Variants in LRP8 observed in about 807,000 individuals in gnomAD.
LRP8 encodes LDL receptor related protein 8.
A neutral mutation model predicts 111.6 loss-of-function variants in LRP8; 46 were observed. That is an observed-to-expected ratio of 0.41 (90% CI 0.33 to 0.53). The LOEUF (loss-of-function observed/expected upper bound fraction) is 0.53. LRP8 is among the 20% of genes least tolerant of loss of function. The pLI, the probability that LRP8 is intolerant of heterozygous loss-of-function variation, is 0.20. For synonymous variants in LRP8, 464 were observed against 511.2 expected, an observed-to-expected ratio of 0.91 and a Z score of 1.24; for missense variants, 959 against 1,297.4, an observed-to-expected ratio of 0.74 and a Z score of 4.01.
chr1:53,255,508 G>A (rs1324639436), intron 15 of LRP8, among the ~76,000 whole-genome samples: 1 of 152,198 alleles, frequency 6.6e-6, no homozygotes, highest in African/African-American at 2.4e-5. Context: ...GTAGGAAGCT[G>A]GGGGCTGTGC....
At chr1:53,296,605 G>A (rs762191504) in intron 2 of LRP8, among the ~76,000 whole-genome samples, 4 of 152,204 alleles carry the variant, frequency 2.6e-5, no homozygotes, top group East Asian at 3.9e-4. Flanking sequence ...GTGCCAGCCC[G>A]CCCCTGGCCT....
intron 3 of LRP8, among the ~76,000 whole-genome samples, chr1:53,286,173 G>A (rs375967708): frequency 2.0e-5 from 3 of 152,174 alleles, no homozygotes; most frequent in Non-Finnish European, 4.4e-5. Context: ...CAGAGGCTCC[G>A]GTGGTGAGAA....
At chr1:53,325,253 C>T (rs1403334563) in intron 2 of LRP8, among the ~76,000 whole-genome samples, 1 of 152,264 alleles carries the variant, frequency 6.6e-6, no homozygotes, top group Non-Finnish European at 1.5e-5. Flanking sequence ...TAAGTTCAGG[C>T]TCCTACTTAA....
intron 14 of LRP8, 146 bp from the exon 15 acceptor site, chr1:53,257,610 A>C (rs980463309): frequency 3.0e-5 from 19 of 637,620 alleles, no homozygotes; most frequent in African/African-American, 2.8e-4. Flanking sequence ...CCAGTGGGCT[A>C]TGATCTTTTC....
chr1:53,263,418 G>C (rs1646420644), intron 10 of LRP8, among the ~76,000 whole-genome samples: 1 of 152,190 alleles, frequency 6.6e-6, no homozygotes, highest in African/African-American at 2.4e-5. Flanking sequence ...AATAGCAGTA[G>C]GAAGCAGCTG....
chr1:53,264,531 C>T, intron 9 of LRP8, 135 bp from the exon 10 acceptor site: 1 of 716,008 alleles, frequency 1.4e-6, no homozygotes, highest in Non-Finnish European at 2.4e-6. Flanking sequence ...ATAATTTCCA[C>T]TCTACACATT....
intron 9 of LRP8, among the ~76,000 whole-genome samples, 188 bp from the exon 10 acceptor site, chr1:53,264,584 G>C (rs150285264): frequency 1.3e-5 from 2 of 152,180 alleles, no homozygotes; most frequent in East Asian, 3.9e-4. Context: ...CATGGGCCAC[G>C]GTCTCTGGCT....
rs1162570714 is a variant in LRP8 at position 53,262,733 on chromosome 1, T to C, written c.1656-169A>G. ...TCAAATCTTAGATTTAGCAGGCACT[T>C]TAGCCTTCACCTCATTTGAGAACTT... On this transcript the variant is annotated intron_variant, in intron 10 of 18. Coordinates refer to ENST00000306052, the MANE Select transcript of LRP8 (RefSeq NM_004631.5). This position sits in a 1 kb window ranked among gnomAD's most constrained non-coding sequence, Gnocchi z 4.8. Among the ~76,000 whole-genome samples, 1 of 152,212 alleles carries C rather than the reference T, an allele frequency of 6.6e-6. No individual in the cohort carries two copies.
rs1221426139 is a variant in LRP8, at chr1:53,293,002, G to C, written c.245-3313C>G. Among the ~76,000 whole-genome samples the C allele has an allele frequency of 1.3e-5, 2 of 152,228 alleles. No individual in the cohort carries two copies. The highest frequency in any genetic ancestry group is 4.8e-5 in the African/African-American group (2 of 41,456). On this transcript the variant is annotated intron_variant, in intron 2 of 18. Transcript: ENST00000306052. The surrounding 1 kb of genome is among the most constrained non-coding windows in gnomAD (Gnocchi z 4.9). ...GCACTGAGAACACAGAATCAGCCCA[G>C]CCCAGTCTCTGGGAATTAAGAGCAA...
At chr1:53,286,030 C>T (rs550564815) in intron 3 of LRP8, among the ~76,000 whole-genome samples, 10 of 152,320 alleles carry the variant, frequency 6.6e-5, no homozygotes, top group South Asian at 4.1e-4. Context: ...CACAAATTAA[C>T]GAAAAGGGCA....
chr1:53,244,344 C>T lies in LRP8; in HGVS notation c.*2674G>A, dbSNP rs1472128375. On this transcript the variant is annotated 3_prime_UTR_variant, in exon 19 of 19. Coordinates refer to ENST00000306052, the MANE Select transcript of LRP8 (RefSeq NM_004631.5). ...CCCCTTGGCATTGTCTCTGAGCTTC[C>T]TTCCAGCTCTATAGTCCAGTGACTC... 3 of 152,240 alleles carry T rather than the reference C, an allele frequency of 2.0e-5. No individual in the cohort carries two copies. The highest frequency in any genetic ancestry group is 7.2e-5 in the African/African-American group (3 of 41,450). The allele number at this position is 152,240 out of a possible 1,614,324, so 9.4% of individuals were successfully genotyped here.
chr1:53,266,491 G>A lies in LRP8; in HGVS notation c.1409C>T (p.Ser470Phe). The change falls in exon 9 of 19, where the codon TCC (serine) becomes TTC (phenylalanine). Residue 470 changes from serine (S) to phenylalanine (F), a missense_variant. Transcript: ENST00000306052. The surrounding 1 kb of genome is among the most constrained non-coding windows in gnomAD (Gnocchi z 5.0). Reference protein sequence around the residue: ...ATNRIYWCDLSYRKIYSAYMD... With the variant: ...ATNRIYWCDLFYRKIYSAYMD... Reference sequence around the variant, plus strand: ...CGCTCACCTATAGATCTTACGGTAGGAGAGGTCACACCAGTAGATGCGATT... The same window carrying A: ...CGCTCACCTATAGATCTTACGGTAGAAGAGGTCACACCAGTAGATGCGATT... 2 of 1,614,214 alleles carry A rather than the reference G, an allele frequency of 1.2e-6. No homozygotes were observed. The highest frequency in any genetic ancestry group is 1.7e-6 in the Non-Finnish European group (2 of 1,180,044).
intron 2 of LRP8, among the ~76,000 whole-genome samples, chr1:53,324,422 ACT>A (rs1225488529): frequency 1.3e-5 from 2 of 151,950 alleles, no homozygotes; most frequent in African/African-American, 4.8e-5. Context: ...AGGTGGGAAC[ACT>A]CATCCATCCG....
At chr1:53,320,110 T>C (rs1271413042) in intron 2 of LRP8, among the ~76,000 whole-genome samples, 1 of 152,248 alleles carries the variant, frequency 6.6e-6, no homozygotes, top group Non-Finnish European at 1.5e-5. Flanking sequence ...AGGTCTTGCA[T>C]GAGAAAGCCC....
At chr1:53,306,446 T>A (rs1651974038) in intron 2 of LRP8, among the ~76,000 whole-genome samples, 1 of 151,890 alleles carries the variant, frequency 6.6e-6, no homozygotes, top group Non-Finnish European at 1.5e-5. Flanking sequence ...AAGACAGTGG[T>A]ATGGTACCAA....
chr1:53,257,100 C>G, intron 15 of LRP8, 140 bp downstream of exon 15: 1 of 776,442 alleles, frequency 1.3e-6, no homozygotes, highest in Non-Finnish European at 2.1e-6. Flanking sequence ...GGTACTCTAC[C>G]TCCCTCTCAG....
At chr1:53,271,725 A>G (rs1646767504) in intron 6 of LRP8, among the ~76,000 whole-genome samples, 1 of 152,094 alleles carries the variant, frequency 6.6e-6, no homozygotes, top group Non-Finnish European at 1.5e-5. Context: ...CTCAGAGTTG[A>G]AGGGTCCTGT....
chr1:53,253,520 T>A (rs574075370), intron 16 of LRP8, among the ~76,000 whole-genome samples: 47 of 152,226 alleles, frequency 3.1e-4, no homozygotes, highest in Non-Finnish European at 6.6e-4. Flanking sequence ...CAGGGAAATG[T>A]CAGGGAAATA....
rs1572463519 is a variant in LRP8 at position 53,262,506 on chromosome 1, C to T, written c.1714G>A (p.Gly572Ser). ...GACACCAGTGTTTGCCGGTCCACAC[C>T]GTTGAGCCCAGATTTCTCAATCTTG... ...QAKIEKSGLNGVDRQTLVSDN... is the reference protein window; with the variant it reads ...QAKIEKSGLNSVDRQTLVSDN... The change falls in exon 11 of 19, where the codon GGT becomes AGT. Residue 572 changes from glycine to serine, a missense_variant. Physicochemically the swap from Gly to Ser is moderately conservative, Grantham distance 56. Coordinates refer to ENST00000306052, the MANE Select transcript of LRP8 (RefSeq NM_004631.5). The surrounding 1 kb of genome is among the most constrained non-coding windows in gnomAD (Gnocchi z 4.8). 3.1e-6 allele frequency: 5 copies of T among 1,614,192 alleles called. No homozygotes were observed. Among genetic ancestry groups the T allele is most frequent in the Admixed American group, 1.7e-5 (1 of 60,026 alleles).
Sources: gnomAD v4.1 joint callset for allele counts (sites outside exome capture counted in the v4.1 genomes callset) on GRCh38, gnomAD v4.1.1 for gene constraint, Gnocchi (gnomAD v3.1) non-coding constraint, MANE v1.5 for transcripts, NCBI Gene and HGNC (gene_info 2026-07-23, HGNC 2026-07-21) for gene names.